SOX6: variants seen among roughly 807,000 people sequenced by gnomAD.
The protein encoded by SOX6 is SRY-box transcription factor 6, also known as transcription factor SOX-6.
A neutral mutation model predicts 97.8 loss-of-function variants in SOX6; 11 were observed. The ratio of observed to expected loss-of-function variants is 0.11; its 90% CI spans 0.07 to 0.19. SOX6 has a LOEUF of 0.19. Ranked by LOEUF, SOX6 falls within the 10% of genes least tolerant of loss-of-function variation. The pLI is 1.00. For missense variants in SOX6, 810 were observed against 1,039.5 expected (o/e 0.78, Z 3.04); for synonymous variants, 360 against 371.4 (o/e 0.97, Z 0.35).
chr11:16,297,528 G>A (rs576228616), intron 3 of SOX6, among the ~76,000 whole-genome samples: 2 of 152,228 alleles, frequency 1.3e-5, no homozygotes, highest in South Asian at 2.1e-4. Flanking sequence ...GCGACATGAG[G>A]TTTGATTGGC....
At chr11:16,127,291 A>G (rs918479679) in intron 6 of SOX6, among the ~76,000 whole-genome samples, 17 of 152,042 alleles carry the variant, frequency 1.1e-4, no homozygotes, top group Non-Finnish European at 2.2e-4. Context: ...TTAACTAGAA[A>G]TTGATTTTTG....
chr11:16,160,204 GAACTAT>G lies in SOX6; in HGVS notation c.777+23676_777+23681del, dbSNP rs564593284. ...ACAAGATTGGGCAGAGGAAGAAATT[GAACTAT>G]AGTATTGGCCTAAGAATACTTCATC... On this transcript the variant is annotated intron_variant, in intron 6 of 15. Coordinates refer to ENST00000683767, the MANE Select transcript of SOX6 (RefSeq NM_001367873.1). 1.8e-4 allele frequency among the ~76,000 whole-genome samples: 28 copies of G among 152,242 alleles called. 1 individual carries two copies. The South Asian group carries it at 2.5e-3, about 14-fold the overall frequency.
Position 16,078,121 on chromosome 11 carries a change from A to G in SOX6, c.1101+17875T>C, listed in dbSNP as rs1848398082. The stretch of plus-strand genomic sequence containing the variant: ...TAAGAAATACAAAAAGGTGATAATT[A>G]GGGCAGTTGAAAATCAGCATTATGG... On this transcript the variant is annotated intron_variant, in intron 9 of 15. Coordinates refer to ENST00000683767, the MANE Select transcript of SOX6 (RefSeq NM_001367873.1). Among the ~76,000 whole-genome samples the G allele has an allele frequency of 1.3e-5, 2 of 152,246 alleles. 1 individual carries two copies. The highest frequency in any genetic ancestry group is 4.1e-4 in the South Asian group (2 of 4,834).
At chr11:16,323,339 A>G (rs1855981659) in intron 2 of SOX6, among the ~76,000 whole-genome samples, 1 of 152,216 alleles carries the variant, frequency 6.6e-6, no homozygotes, top group Admixed American at 6.5e-5. Flanking sequence ...GATGTTTTCC[A>G]GTATTTGAAG....
intron 6 of SOX6, among the ~76,000 whole-genome samples, chr11:16,141,805 G>T (rs1279236376): frequency 6.6e-6 from 1 of 152,154 alleles, no homozygotes; most frequent in Non-Finnish European, 1.5e-5. Context: ...GAGGCTGGGG[G>T]AGGGGTGCCT....
intron 1 of SOX6, among the ~76,000 whole-genome samples, chr11:16,377,022 C>A (rs751993107): frequency 7.3e-5 from 11 of 151,206 alleles, no homozygotes; most frequent in South Asian, 2.1e-4. Flanking sequence ...CAAAGGAATT[C>A]TTTTATTTAA....
intron 12 of SOX6, among the ~76,000 whole-genome samples, chr11:16,026,165 C>T (rs555334976): frequency 4.6e-5 from 7 of 152,136 alleles, no homozygotes; most frequent in African/African-American, 1.4e-4. Flanking sequence ...TTTCTTCCAG[C>T]TCTGAAATCT....
chr11:16,386,176 T>G (rs1857978875), intron 1 of SOX6, among the ~76,000 whole-genome samples: 1 of 152,180 alleles, frequency 6.6e-6, no homozygotes, highest in Non-Finnish European at 1.5e-5. Context: ...CTTATACATG[T>G]GGTTTTGCAT....
chr11:16,617,971 A>AT (rs1178269845), intron 3 of SOX6, among the ~76,000 whole-genome samples: 2 of 151,388 alleles, frequency 1.3e-5, no homozygotes, highest in African/African-American at 4.9e-5. Context: ...TACATTATAA[A>AT]TTCAGAACAA....
intron 4 of SOX6, among the ~76,000 whole-genome samples, chr11:16,222,945 C>T (rs1337777150): frequency 2.0e-5 from 3 of 152,022 alleles, no homozygotes; most frequent in Non-Finnish European, 2.9e-5. Flanking sequence ...CAATGCATAA[C>T]GCATCGTTTT....
chr11:16,381,517 A>G (rs1565122896), intron 1 of SOX6, among the ~76,000 whole-genome samples: 1 of 151,156 alleles, frequency 6.6e-6, no homozygotes, highest in East Asian at 1.9e-4. Flanking sequence ...AATATGTTCA[A>G]TTTTTTTTTC....
At chr11:16,161,753 T>C (rs1850756666) in intron 6 of SOX6, among the ~76,000 whole-genome samples, 1 of 152,214 alleles carries the variant, frequency 6.6e-6, no homozygotes, top group Non-Finnish European at 1.5e-5. Context: ...ACCTGGCACA[T>C]GGTAGTACTT....
intron 4 of SOX6, among the ~76,000 whole-genome samples, chr11:16,534,585 C>T (rs780440740): frequency 1.3e-5 from 2 of 152,042 alleles, no homozygotes; most frequent in African/African-American, 2.4e-5. Context: ...AACAATGATG[C>T]CAATAGGAGT....
intron 12 of SOX6, among the ~76,000 whole-genome samples, chr11:16,045,886 A>AT (rs1412746532): frequency 1.3e-5 from 2 of 151,878 alleles, no homozygotes; most frequent in African/African-American, 4.8e-5. Flanking sequence ...CTGCCATTAC[A>AT]TTTTCTATTT....
intron 7 of SOX6, among the ~76,000 whole-genome samples, chr11:16,106,487 G>A (rs1849090282): frequency 6.6e-6 from 1 of 151,900 alleles, no homozygotes; most frequent in African/African-American, 2.4e-5. Context: ...AATGGGGGAA[G>A]GGATAGTCTT....
intron 3 of SOX6, among the ~76,000 whole-genome samples, chr11:16,702,137 T>C: frequency 6.6e-6 from 1 of 152,214 alleles, no homozygotes; most frequent in East Asian, 1.9e-4. Context: ...TTTATTTCTG[T>C]ATCTCTGGCT....
chr11:16,141,556 C>A (rs568061586), intron 6 of SOX6, among the ~76,000 whole-genome samples: 7 of 152,122 alleles, frequency 4.6e-5, no homozygotes, highest in Admixed American at 4.6e-4. Context: ...TGAGCCAAAG[C>A]ATGGCAAGGC....
chr11:16,361,243 C>T (rs773521496), upstream of SOX6, among the ~76,000 whole-genome samples: 1 of 152,126 alleles, frequency 6.6e-6, no homozygotes, highest in Non-Finnish European at 1.5e-5. Flanking sequence ...TGCAGTCTCA[C>T]TTCAGGGTCA....
At chr11:15,994,471 T>C (rs1408305473) in intron 13 of SOX6, among the ~76,000 whole-genome samples, 1 of 147,654 alleles carries the variant, frequency 6.8e-6, no homozygotes. Flanking sequence ...AGAGATGAAA[T>C]TAGAAAAGTA....
Sources: gnomAD v4.1 joint callset for allele counts (sites outside exome capture counted in the v4.1 genomes callset) on GRCh38, gnomAD v4.1.1 for gene constraint, MANE v1.5 for transcripts, NCBI Gene and HGNC (gene_info 2026-07-23, HGNC 2026-07-21) for gene names.